Variants in CFAP20DC observed in about 807,000 individuals in gnomAD.
CFAP20DC encodes protein CFAP20DC.
A neutral mutation model predicts 101.7 loss-of-function variants in CFAP20DC; 84 were observed. That is an observed-to-expected ratio of 0.83 (90% CI 0.69 to 0.99). The LOEUF is 0.99. CFAP20DC is among the 50% of genes least tolerant of loss of function. CFAP20DC has a pLI of 0.00. For missense variants in CFAP20DC, 1,007 were observed against 970.3 expected (o/e 1.04, Z -0.50); for synonymous variants, 359 against 351.2 (o/e 1.02, Z -0.25).
At chr3:58,731,969 T>A (rs1427678125) in intron 3 of CFAP20DC, among the ~76,000 whole-genome samples, 1 of 152,224 alleles carries the variant, frequency 6.6e-6, no homozygotes, top group African/African-American at 2.4e-5. Flanking sequence ...CTGAGCCTGT[T>A]TGTGCCTCAG....
chr3:58,760,744 AG>A (rs1184192342), intron 15 of CFAP20DC, among the ~76,000 whole-genome samples: 4 of 152,198 alleles, frequency 2.6e-5, no homozygotes, highest in East Asian at 3.8e-4. Flanking sequence ...TTTAGCATGA[AG>A]GGTTGTTGAA....
Position 58,864,658 on chromosome 3 carries a change from A to G in CFAP20DC, c.1259-766T>C, listed in dbSNP as rs2108480180. On this transcript the variant is annotated intron_variant, in intron 11 of 16. Transcript: ENST00000482387. The surrounding 1 kb of genome is among the most constrained non-coding windows in gnomAD (Gnocchi z 4.7). ...CTGGTCTTAATTCAGATTACAAATC[A>G]TGGAGGAGAGGAAGCCATGACAAGG... Among the ~76,000 whole-genome samples the G allele has an allele frequency of 6.6e-6, 1 of 152,346 alleles. No individual in the cohort carries two copies. Among genetic ancestry groups the G allele is most frequent in the Non-Finnish European group, 1.5e-5 (1 of 68,032 alleles).
At chr3:58,936,378 G>T (rs2087616928) in intron 5 of CFAP20DC, among the ~76,000 whole-genome samples, 1 of 152,148 alleles carries the variant, frequency 6.6e-6, no homozygotes, top group South Asian at 2.1e-4. Flanking sequence ...ATTCCTCAGG[G>T]ATCTAGAACT....
At chr3:58,818,281 C>A (rs1458171884) in intron 14 of CFAP20DC, among the ~76,000 whole-genome samples, 1 of 150,784 alleles carries the variant, frequency 6.6e-6, no homozygotes, top group Non-Finnish European at 1.5e-5. Flanking sequence ...ATCAAATTCA[C>A]ACATAACAAT....
intron 15 of CFAP20DC, among the ~76,000 whole-genome samples, chr3:58,774,680 TG>T (rs1293421219): frequency 6.6e-6 from 1 of 152,214 alleles, no homozygotes; most frequent in Non-Finnish European, 1.5e-5. Context: ...TTTTAAGATG[TG>T]AATGTGAAGT....
At chr3:58,980,569 G>A (rs1453512305) in intron 4 of CFAP20DC, among the ~76,000 whole-genome samples, 1 of 152,150 alleles carries the variant, frequency 6.6e-6, no homozygotes, top group Non-Finnish European at 1.5e-5. Flanking sequence ...ATCAATAAAT[G>A]TAATTGAGCA....
At chr3:58,837,706 T>A (rs888216561) in intron 13 of CFAP20DC, among the ~76,000 whole-genome samples, 3 of 152,192 alleles carry the variant, frequency 2.0e-5, no homozygotes, top group Non-Finnish European at 2.9e-5. Context: ...AGAGTCAGTA[T>A]CACTGGTGGT....
chr3:58,938,531 T>C lies in CFAP20DC; in HGVS notation c.279-769A>G, dbSNP rs921674107. ...TCTTTAAAAACTTTTTATTTGAGAATGATTTTTCCCCGTTATTAGGGAAAA... is the reference window on the plus strand; with the variant it reads ...TCTTTAAAAACTTTTTATTTGAGAACGATTTTTCCCCGTTATTAGGGAAAA... On this transcript the variant is annotated intron_variant, in intron 4 of 16. Transcript: ENST00000482387. Among the ~76,000 whole-genome samples the C allele has an allele frequency of 7.2e-5, 11 of 152,216 alleles. No homozygotes were observed. In the East Asian group the frequency reaches 2.1e-3, roughly 29 times the overall value.
chr3:58,757,205 G>A (rs545784078), intron 15 of CFAP20DC, among the ~76,000 whole-genome samples: 4 of 152,026 alleles, frequency 2.6e-5, no homozygotes, highest in African/African-American at 7.2e-5. Context: ...CTGATTTCCC[G>A]AGAGCAACTT....
chr3:59,019,344 G>A (rs756044479), intron 4 of CFAP20DC, among the ~76,000 whole-genome samples: 32 of 151,878 alleles, frequency 2.1e-4, no homozygotes, highest in Non-Finnish European at 4.4e-5. Context: ...TTCCTAGCCC[G>A]CAATGCTGTT....
downstream of CFAP20DC, among the ~76,000 whole-genome samples, chr3:58,741,015 T>C (rs1018849490): frequency 1.3e-5 from 2 of 152,114 alleles, no homozygotes; most frequent in African/African-American, 4.8e-5. Flanking sequence ...ACAAATATGG[T>C]TCTAAATAAT....
At chr3:58,969,410 T>A (rs1202390946) in intron 4 of CFAP20DC, among the ~76,000 whole-genome samples, 5 of 152,186 alleles carry the variant, frequency 3.3e-5, no homozygotes, top group African/African-American at 1.2e-4. Context: ...CGATACAGCC[T>A]CTTTGGAAAC....
intron 4 of CFAP20DC, among the ~76,000 whole-genome samples, chr3:58,979,686 C>A (rs28715760): frequency 6.6e-6 from 1 of 152,096 alleles, no homozygotes; most frequent in Non-Finnish European, 1.5e-5. Context: ...AATTCAACTA[C>A]GAACTGGCTG....
chr3:59,031,993 T>C (rs910243780), intron 4 of CFAP20DC, among the ~76,000 whole-genome samples: 2 of 152,050 alleles, frequency 1.3e-5, no homozygotes, highest in African/African-American at 2.4e-5. Context: ...CCAACTGAGG[T>C]ACCCAGCTCA....
intron 15 of CFAP20DC, among the ~76,000 whole-genome samples, chr3:58,760,704 A>G (rs1227054450): frequency 1.3e-5 from 2 of 152,156 alleles, no homozygotes; most frequent in South Asian, 2.1e-4. Context: ...TTTGAGATAC[A>G]TCCCAGCAAT....
chr3:58,780,756 G>A (rs1000219521), intron 15 of CFAP20DC, among the ~76,000 whole-genome samples: 3 of 151,820 alleles, frequency 2.0e-5, no homozygotes, highest in African/African-American at 7.3e-5. Flanking sequence ...TATATATGCA[G>A]CCAACATCTG....
rs112827949 is a variant in CFAP20DC at position 58,799,733 on chromosome 3, C to CTG, written c.2237+6660_2237+6661dup. 0.16 allele frequency among the ~76,000 whole-genome samples: 23,065 copies of CTG among 142,834 alleles called. 2,294 individuals carry two copies. Among genetic ancestry groups the CTG allele is most frequent in the African/African-American group, 0.3 (12,019 of 39,652 alleles). 93.7% of individuals were successfully genotyped at this position (142,834 alleles called of 152,430 possible). ...AGTGTGTGTGTGTCTGTGTGTGTGTCTGTGTGTGTGTGTGTGTGTGTGTGT... is the reference window on the plus strand; with the variant it reads ...AGTGTGTGTGTGTCTGTGTGTGTGTCTGTGTGTGTGTGTGTGTGTGTGTGTGT... On this transcript the variant is annotated intron_variant, in intron 15 of 16. Transcript: ENST00000482387. The surrounding 1 kb of genome is among the most constrained non-coding windows in gnomAD (Gnocchi z 4.9).
chr3:58,822,882 G>A (rs944141733), intron 14 of CFAP20DC, among the ~76,000 whole-genome samples: 11 of 152,086 alleles, frequency 7.2e-5, no homozygotes, highest in African/African-American at 2.7e-4. Flanking sequence ...ACACCCCCTG[G>A]AGCAGGTCAT....
chr3:58,809,392 A>T (rs1162700861), intron 14 of CFAP20DC, among the ~76,000 whole-genome samples: 1 of 152,242 alleles, frequency 6.6e-6, no homozygotes, highest in African/African-American at 2.4e-5. Context: ...CTCAGGATTA[A>T]GAAACTCACT....
Sources: gnomAD v4.1 joint callset for allele counts (sites outside exome capture counted in the v4.1 genomes callset) on GRCh38, gnomAD v4.1.1 for gene constraint, Gnocchi (gnomAD v3.1) non-coding constraint, MANE v1.5 for transcripts, NCBI Gene and HGNC (gene_info 2026-07-23, HGNC 2026-07-21) for gene names.